The following NPSR1 variants were observed in gnomAD, a reference collection of about 807,000 sequenced individuals.
The protein encoded by NPSR1 is neuropeptide S receptor.
In NPSR1, 48 loss-of-function variants were observed where a neutral mutation model predicts 46.9. That is an observed-to-expected ratio of 1.02 (90% CI 0.81 to 1.30). The LOEUF is 1.30. Ranked by LOEUF, NPSR1 falls within the 50% of genes most tolerant of loss-of-function variation. The pLI, the probability that NPSR1 is intolerant of heterozygous loss-of-function variation, is 0.00. For synonymous variants in NPSR1, 176 were observed against 168.1 expected (o/e 1.05, Z -0.36); for missense variants, 450 against 449.5 (o/e 1.00, Z -0.01).
chr7:34,738,555 T>C (rs974218835), intron 2 of NPSR1, among the ~76,000 whole-genome samples: 1 of 152,326 alleles, frequency 6.6e-6, no homozygotes, highest in Non-Finnish European at 1.5e-5. Flanking sequence ...TCAAATAGTT[T>C]GTTTTTGGCT....
chr7:34,855,557 C>G (rs576588771), intron 8 of NPSR1, among the ~76,000 whole-genome samples: 1 of 152,060 alleles, frequency 6.6e-6, no homozygotes, highest in South Asian at 2.1e-4. Context: ...AGCATAACTG[C>G]TAAAGAAAGA....
chr7:34,840,461 G>A (rs1424809141), intron 6 of NPSR1, among the ~76,000 whole-genome samples: 2 of 148,890 alleles, frequency 1.3e-5, no homozygotes, highest in South Asian at 2.1e-4. Flanking sequence ...GCAAGCTCCT[G>A]GAATAGCACA....
In NPSR1 at chr7:34,849,606, G is replaced by A. The variant is rs1442234540; in HGVS notation, c.1067G>A (p.Arg356Lys). The A allele has an allele frequency of 6.2e-7, 1 of 1,614,144 alleles. No homozygotes were observed. The highest frequency in any genetic ancestry group is 2.2e-5 in the East Asian group (1 of 44,874). The part of the protein sequence containing the change: ...SQDSRMTFRE[R>K]TERHEMQILS... ...GATTCCAGAATGACGTTCCGGGAGA[G>A]AACTGAGAGGCATGAGATGCAGATT... is the stretch of plus-strand genomic sequence containing the variant. Residue 356 changes from arginine (R) to lysine (K), a missense_variant, in exon 9 of 9, where the codon AGA becomes AAA. Transcript: ENST00000360581.
intron 2 of NPSR1, among the ~76,000 whole-genome samples, chr7:34,775,630 T>TTA (rs1786918960): frequency 6.6e-6 from 1 of 152,168 alleles, no homozygotes; most frequent in Non-Finnish European, 1.5e-5. Context: ...CTCTTCTTTA[T>TTA]TAGTCTGGCT....
intron 2 of NPSR1, among the ~76,000 whole-genome samples, chr7:34,764,161 G>C (rs1052034605): frequency 2.6e-5 from 4 of 152,262 alleles, no homozygotes; most frequent in East Asian, 3.9e-4. Context: ...AACGACAAAG[G>C]CATGTTTGTT....
At chr7:34,838,645 G>C (rs1790462472) in intron 6 of NPSR1, among the ~76,000 whole-genome samples, 1 of 152,160 alleles carries the variant, frequency 6.6e-6, no homozygotes, top group African/African-American at 2.4e-5. Context: ...GCCATCCTTA[G>C]TGCGAGAACC....
At chr7:34,790,663 A>C (rs1562728976) in intron 3 of NPSR1, among the ~76,000 whole-genome samples, 1 of 101,698 alleles carries the variant, frequency 9.8e-6, no homozygotes, top group Non-Finnish European at 2.4e-5. Flanking sequence ...TTATGTTATA[A>C]ATATATGTTA....
chr7:34,845,089 A>G (rs989971960), intron 7 of NPSR1, 107 bp downstream of exon 7: 8 of 769,536 alleles, frequency 1.0e-5, no homozygotes, highest in Admixed American at 3.6e-5. Flanking sequence ...GCACTTCTAC[A>G]TCGGTCTGCT....
At chr7:34,730,435 T>C (rs939801873) in intron 2 of NPSR1, among the ~76,000 whole-genome samples, 3 of 152,186 alleles carry the variant, frequency 2.0e-5, no homozygotes, top group African/African-American at 7.2e-5. Flanking sequence ...GATAGCAGTG[T>C]CTTGGGGTCT....
At chr7:34,668,533 C>A (rs1229389997) in intron 1 of NPSR1, among the ~76,000 whole-genome samples, 1 of 152,174 alleles carries the variant, frequency 6.6e-6, no homozygotes, top group Non-Finnish European at 1.5e-5. Flanking sequence ...TTGATCATTT[C>A]ATTCATCAAT....
chr7:34,868,732 CT>C (rs1372674706), intron 8 of NPSR1, among the ~76,000 whole-genome samples: 1 of 151,626 alleles, frequency 6.6e-6, no homozygotes, highest in Non-Finnish European at 1.5e-5. Context: ...TGTTTGCCCC[CT>C]GAGTCGGTTT....
chr7:34,753,859 CAT>C (rs1785676322), intron 2 of NPSR1: 1 of 151,914 alleles, frequency 6.6e-6, no homozygotes, highest in South Asian at 2.1e-4. Flanking sequence ...ATAAGTTAAA[CAT>C]AAATAAAAAA....
At chr7:34,846,622 A>G (rs35646429) in intron 7 of NPSR1, among the ~76,000 whole-genome samples, 99 of 152,340 alleles carry the variant, frequency 6.5e-4, no homozygotes, top group African/African-American at 2.4e-3. Context: ...AATAACAGCC[A>G]CAATGAAAAC....
chr7:34,812,834 A>G (rs1375176177), intron 4 of NPSR1, among the ~76,000 whole-genome samples: 1 of 152,236 alleles, frequency 6.6e-6, no homozygotes, highest in East Asian at 1.9e-4. Flanking sequence ...TATTATTTAA[A>G]AAGTGACAAA....
chr7:34,829,194 T>A (rs1270743761), intron 5 of NPSR1, among the ~76,000 whole-genome samples: 1 of 152,138 alleles, frequency 6.6e-6, no homozygotes, highest in Non-Finnish European at 1.5e-5. Flanking sequence ...TAAAAGAAGT[T>A]AACTGCCTTG....
At chr7:34,693,367 T>A (rs1214457173) in intron 2 of NPSR1, among the ~76,000 whole-genome samples, 1 of 152,028 alleles carries the variant, frequency 6.6e-6, no homozygotes. Context: ...TATGAACACC[T>A]CTGTGCACAC....
intron 8 of NPSR1, among the ~76,000 whole-genome samples, chr7:34,864,720 A>G (rs1452246830): frequency 6.6e-6 from 1 of 151,884 alleles, no homozygotes; most frequent in Non-Finnish European, 1.5e-5. Context: ...AGCATCTTGA[A>G]CAGATTATAA....
rs143469403 is a variant in NPSR1, at chr7:34,868,723, G to A, written c.1026-9353G>A. 6.1e-4 allele frequency among the ~76,000 whole-genome samples: 92 copies of A among 151,796 alleles called. 3 individuals are homozygous for A. The highest frequency in any genetic ancestry group is 2.1e-3 in the African/African-American group (88 of 41,094). On this transcript the variant is annotated intron_variant, in intron 8 of 8. Transcript: ENST00000359791. ...CAGTATTGTAGTCTTGGTCACTCGTGTTTGCCCCCTGAGTCGGTTTCCATG... is the reference window on the plus strand; with the variant it reads ...CAGTATTGTAGTCTTGGTCACTCGTATTTGCCCCCTGAGTCGGTTTCCATG...
intron 1 of NPSR1, among the ~76,000 whole-genome samples, chr7:34,677,083 T>C (rs1010901693): frequency 6.6e-6 from 1 of 152,150 alleles, no homozygotes; most frequent in South Asian, 2.1e-4. Flanking sequence ...CACTGATACA[T>C]CAAACCAGGG....
Sources: gnomAD v4.1 joint callset for allele counts (sites outside exome capture counted in the v4.1 genomes callset) on GRCh38, gnomAD v4.1.1 for gene constraint, MANE v1.5 for transcripts, NCBI Gene and HGNC (gene_info 2026-07-23, HGNC 2026-07-21) for gene names.